KCTD16: variants seen among roughly 807,000 people sequenced by gnomAD.
KCTD16 encodes the protein potassium channel tetramerization domain containing 16, also known as BTB/POZ domain-containing protein KCTD16.
In KCTD16, 13 loss-of-function variants were observed where a neutral mutation model predicts 33.2. The ratio of observed to expected loss-of-function variants is 0.39; its 90% CI spans 0.25 to 0.62. KCTD16 has a LOEUF of 0.62. Among genes scored for constraint, KCTD16 ranks in the 20% least tolerant of loss-of-function variants. The pLI, the probability that KCTD16 is intolerant of heterozygous loss-of-function variation, is 0.50. For synonymous variants in KCTD16, 197 were observed against 195.3 expected, an observed-to-expected ratio of 1.01 and a Z score of -0.07; for missense variants, 441 against 525.1, an observed-to-expected ratio of 0.84 and a Z score of 1.57.
intron 3 of KCTD16, among the ~76,000 whole-genome samples, chr5:144,467,006 T>TAACAC (rs1754351323): frequency 1.1e-5 from 1 of 91,870 alleles, no homozygotes; most frequent in Non-Finnish European, 2.2e-5. Context: ...ATTATATATA[T>TAACAC]TATATATAAT....
In KCTD16 at chr5:144,455,476, G is replaced by A. The variant is rs370541287; in HGVS notation, c.833-18184G>A. On this transcript the variant is annotated intron_variant, in intron 3 of 3. Coordinates refer to ENST00000512467, the MANE Select transcript of KCTD16 (RefSeq NM_020768.4). ...TTGGGAACCAAGAGAAAGTGGAGTG[G>A]AAAAGTCAAAGAAGAAAGTTCAATG... Among the ~76,000 whole-genome samples the A allele has an allele frequency of 2.6e-4, 40 of 152,292 alleles. No individual in the cohort carries two copies. The East Asian group carries it at 7.0e-3, about 26-fold the overall frequency.
At chr5:144,450,608 A>G (rs1033949912) in intron 3 of KCTD16, among the ~76,000 whole-genome samples, 2 of 152,120 alleles carry the variant, frequency 1.3e-5, no homozygotes, top group African/African-American at 4.8e-5. Flanking sequence ...ATGAAACAAT[A>G]TTCACCCTTT....
At chr5:144,271,143 A>AG (rs554050746) in intron 3 of KCTD16, among the ~76,000 whole-genome samples, 1 of 152,186 alleles carries the variant, frequency 6.6e-6, no homozygotes, top group African/African-American at 2.4e-5. Context: ...ACTGAAGAGG[A>AG]GGGAAAAATT....
chr5:144,181,109 T>G (rs942358380), intron 2 of KCTD16, among the ~76,000 whole-genome samples: 1 of 152,000 alleles, frequency 6.6e-6, no homozygotes. Context: ...ATTTTTTGTA[T>G]TTTTTAGTAG....
chr5:144,377,319 G>C (rs1752116196), intron 3 of KCTD16, among the ~76,000 whole-genome samples: 1 of 152,180 alleles, frequency 6.6e-6, no homozygotes, highest in South Asian at 2.1e-4. Flanking sequence ...AAGGAATGGA[G>C]TGGACAGTGG....
rs762595260 is a variant in KCTD16, at chr5:144,443,235, T to A, written c.833-30425T>A. 2.6e-5 allele frequency among the ~76,000 whole-genome samples: 4 copies of A among 152,224 alleles called. No individual in the cohort carries two copies. The South Asian group carries it at 8.3e-4, about 32-fold the overall frequency. On this transcript the variant is annotated intron_variant, in intron 3 of 3. Transcript: ENST00000512467. ...TAGAGTTTCCATTACTTGGAGCTTA[T>A]GAGGTGAAGGGCACATAATGGAGTA...
At chr5:144,465,779 C>CTTTTTTTTTTTT (rs780109122) in intron 3 of KCTD16, among the ~76,000 whole-genome samples, 3 of 129,878 alleles carry the variant, frequency 2.3e-5, no homozygotes, top group Non-Finnish European at 1.6e-5. Flanking sequence ...CCAAATTTAA[C>CTTTTTTTTTTTT]TTTTTTGTTT....
intron 3 of KCTD16, among the ~76,000 whole-genome samples, chr5:144,294,331 A>T (rs1031841601): frequency 1.3e-5 from 2 of 152,236 alleles, no homozygotes; most frequent in Non-Finnish European, 2.9e-5. Flanking sequence ...CTTTCAGTTG[A>T]TACTAATCAA....
intron 3 of KCTD16, among the ~76,000 whole-genome samples, chr5:144,233,430 G>T (rs1754163024): frequency 6.6e-6 from 1 of 152,052 alleles, no homozygotes; most frequent in Non-Finnish European, 1.5e-5. Flanking sequence ...AAACAGTAAG[G>T]AATCTTAACT....
chr5:144,322,321 A>T (rs1170532559), intron 3 of KCTD16, among the ~76,000 whole-genome samples: 1 of 152,164 alleles, frequency 6.6e-6, no homozygotes, highest in Non-Finnish European at 1.5e-5. Context: ...AGGATTGATC[A>T]ATCAGCATCT....
At chr5:144,244,631 A>G (rs1754500108) in intron 3 of KCTD16, among the ~76,000 whole-genome samples, 1 of 152,136 alleles carries the variant, frequency 6.6e-6, no homozygotes, top group Non-Finnish European at 1.5e-5. Flanking sequence ...CCTCTTTAAC[A>G]CATTAAACCT....
chr5:144,248,633 C>A (rs527390421), intron 3 of KCTD16, among the ~76,000 whole-genome samples: 17 of 152,248 alleles, frequency 1.1e-4, no homozygotes, highest in African/African-American at 3.9e-4. Flanking sequence ...GGAGGCCATT[C>A]CAACCATTTA....
chr5:144,265,223 C>T (rs777180273), intron 3 of KCTD16, among the ~76,000 whole-genome samples: 20 of 151,988 alleles, frequency 1.3e-4, no homozygotes, highest in Non-Finnish European at 2.8e-4. Flanking sequence ...AACAGAAGGA[C>T]ATTAGCATGG....
At chr5:144,469,939 C>T (rs1049125657) in intron 3 of KCTD16, among the ~76,000 whole-genome samples, 1 of 150,682 alleles carries the variant, frequency 6.6e-6, no homozygotes, top group African/African-American at 2.4e-5. Flanking sequence ...TAATAACTCC[C>T]CAAACAGGCA....
intron 3 of KCTD16, among the ~76,000 whole-genome samples, chr5:144,293,872 C>T (rs185035913): frequency 7.6e-4 from 116 of 152,132 alleles, no homozygotes; most frequent in Non-Finnish European, 1.3e-3. Flanking sequence ...AAATTAAAAC[C>T]GCAGGGGCTG....
intron 3 of KCTD16, among the ~76,000 whole-genome samples, chr5:144,238,968 T>TGCTCTGATAGGAGCCAGC (rs1194342145): frequency 6.6e-6 from 1 of 152,170 alleles, no homozygotes; most frequent in African/African-American, 2.4e-5. Flanking sequence ...ATAAGCACAG[T>TGCTCTGATAGGAGCCAGC]GCTCTGATAG....
At chr5:144,370,217 T>A (rs1751935002) in intron 3 of KCTD16, among the ~76,000 whole-genome samples, 1 of 152,078 alleles carries the variant, frequency 6.6e-6, no homozygotes, top group Non-Finnish European at 1.5e-5. Context: ...TAGCTGTGAA[T>A]GTCGTGGCAG....
intron 2 of KCTD16, among the ~76,000 whole-genome samples, chr5:144,192,648 C>T (rs570361313): frequency 1.3e-5 from 2 of 152,278 alleles, no homozygotes; most frequent in African/African-American, 4.8e-5. Context: ...TATGACAGAA[C>T]CTTTCAGATT....
chr5:144,260,904 C>G (rs1289506270), intron 3 of KCTD16, among the ~76,000 whole-genome samples: 1 of 151,888 alleles, frequency 6.6e-6, no homozygotes. Context: ...CTATTAATAT[C>G]ATTTTTTATG....
Sources: gnomAD v4.1 joint callset for allele counts (sites outside exome capture counted in the v4.1 genomes callset) on GRCh38, gnomAD v4.1.1 for gene constraint, MANE v1.5 for transcripts, NCBI Gene and HGNC (gene_info 2026-07-23, HGNC 2026-07-21) for gene names.